Variants in HSPG2 observed in about 807,000 individuals in gnomAD.
HSPG2 encodes heparan sulfate proteoglycan 2.
In HSPG2, 278 loss-of-function variants were observed where a neutral mutation model predicts 526.6. The ratio of observed to expected loss-of-function variants is 0.53; its 90% CI spans 0.48 to 0.58. The LOEUF is 0.58. Among genes scored for constraint, HSPG2 ranks in the 20% least tolerant of loss-of-function variants. HSPG2 has a pLI of 0.00. For synonymous variants in HSPG2, 2,465 were observed against 2,555.4 expected (o/e 0.96, Z 1.07); for missense variants, 5,354 against 6,099.5 (o/e 0.88, Z 4.07).
At chr1:21,920,813 G>C (rs943366064) in intron 1 of HSPG2, among the ~76,000 whole-genome samples, 1 of 152,132 alleles carries the variant, frequency 6.6e-6, no homozygotes, top group African/African-American at 2.4e-5. Context: ...GCCCAGGGAG[G>C]AATCCAGGCT....
chr1:21,855,993 T>C, intron 44 of HSPG2, 81 bp from the exon 45 acceptor site: 1 of 1,567,136 alleles, frequency 6.4e-7, no homozygotes, highest in Non-Finnish European at 8.6e-7. Context: ...GCCTACTTTC[T>C]CTGCTTCCAG....
chr1:21,841,105 A>T lies in HSPG2; in HGVS notation c.9509T>A (p.Leu3170Gln). Residue 3170 changes from leucine to glutamine, a missense_variant, in exon 71 of 97, where the codon CTG becomes CAG. Leu to Gln is a moderately radical substitution (Grantham distance 113). Transcript: ENST00000374695. ...GAGAGGCAGCCCCGGCTTCACCTGCAGCACCGCGTGGCTGTCCATGAGCCC... is the reference window on the plus strand; with the variant it reads ...GAGAGGCAGCCCCGGCTTCACCTGCTGCACCGCGTGGCTGTCCATGAGCCC... ...TYGLMDSHAV[L>Q]QISSAKPSDA... 6.2e-7 allele frequency: 1 copy of T among 1,604,558 alleles called. No homozygotes were observed. The highest frequency in any genetic ancestry group is 8.5e-7 in the Non-Finnish European group (1 of 1,176,232).
At chr1:21,910,181 C>T (rs924623510) in intron 1 of HSPG2, among the ~76,000 whole-genome samples, 2 of 152,268 alleles carry the variant, frequency 1.3e-5, no homozygotes, top group Non-Finnish European at 2.9e-5. Context: ...CAGACCAACA[C>T]AATGGGGGCT....
rs751192118 is a variant in HSPG2, at chr1:21,864,057, C to T, written c.4740+43G>A. On this transcript the variant is annotated intron_variant, in intron 37 of 96. Transcript: ENST00000374695. The surrounding 1 kb of genome is among the most constrained non-coding windows in gnomAD (Gnocchi z 4.8). Reference sequence around the variant, plus strand: ...TCCAGCCCTGGTCCCCCACCCAGGCCCAGCTGAGCTGACCCCCTGTCCTGG... The same window carrying T: ...TCCAGCCCTGGTCCCCCACCCAGGCTCAGCTGAGCTGACCCCCTGTCCTGG... 1.2e-5 allele frequency: 17 copies of T among 1,456,794 alleles called. No homozygotes were observed. In the African/African-American group the frequency reaches 2.1e-4, roughly 18 times the overall value. 90.2% of individuals were successfully genotyped at this position (1,456,794 alleles called of 1,614,324 possible). A position where few individuals can be genotyped will look rare whatever the true frequency, so the allele number is the denominator to read the frequency against.
rs548566528 is a variant in HSPG2 at position 21,935,044 on chromosome 1, T to C, written c.63+2111A>G. On this transcript the variant is annotated intron_variant, in intron 1 of 96. Transcript: ENST00000374695. Reference sequence around the variant, plus strand: ...GCCTCAGCCTCCCGAGTAGTTGGGATTACAAGCATGCGCCACCACACCCGT... The same window carrying C: ...GCCTCAGCCTCCCGAGTAGTTGGGACTACAAGCATGCGCCACCACACCCGT... Among the ~76,000 whole-genome samples, 5 of 152,056 alleles carry C rather than the reference T, an allele frequency of 3.3e-5. No homozygotes were observed. The East Asian group carries it at 7.8e-4, about 24-fold the overall frequency.
At chr1:21,843,960 C>A (rs952310265) in intron 65 of HSPG2, among the ~76,000 whole-genome samples, 188 bp downstream of exon 65, 6 of 152,228 alleles carry the variant, frequency 3.9e-5, no homozygotes, top group Admixed American at 6.5e-5. Context: ...CTATTTTGCA[C>A]CAAGGTGCTG....
chr1:21,849,948 G>T (rs1638755648), intron 57 of HSPG2, 93 bp downstream of exon 57: 2 of 1,511,728 alleles, frequency 1.3e-6, no homozygotes, highest in South Asian at 2.2e-5. Flanking sequence ...AAAGTGCCGG[G>T]ATTACAGGCG....
intron 75 of HSPG2, among the ~76,000 whole-genome samples, chr1:21,836,563 T>C (rs1303443018): frequency 6.6e-6 from 1 of 152,202 alleles, no homozygotes; most frequent in Non-Finnish European, 1.5e-5. Flanking sequence ...CCTCAGGTGA[T>C]CTGCCCGCCT....
At chr1:21,886,239 A>G (rs1297861795) in intron 9 of HSPG2, among the ~76,000 whole-genome samples, 2 of 152,152 alleles carry the variant, frequency 1.3e-5, no homozygotes, top group Non-Finnish European at 2.9e-5. Flanking sequence ...TCCCCAGGAG[A>G]GGCCCCTGAG....
chr1:21,837,957 G>A (rs555870739), intron 74 of HSPG2, among the ~76,000 whole-genome samples: 4 of 151,962 alleles, frequency 2.6e-5, no homozygotes, highest in South Asian at 2.1e-4. Context: ...CCAACATGGC[G>A]AATCCCCTTC....
rs931293134 is a variant in HSPG2 at position 21,847,842 on chromosome 1, T to C, written c.7874-2A>G. The stretch of plus-strand genomic sequence containing the variant: ...TGATCGGTGGGGAGACGCTGGGCAC[T>C]GGGGACAGACGGGTGTGGACCACGC... On this transcript the variant is annotated splice_acceptor_variant, in intron 60 of 96. Transcript: ENST00000374695. LOFTEE classifies it high-confidence loss of function. This position sits in a 1 kb window ranked among gnomAD's most constrained non-coding sequence, Gnocchi z 4.1. The C allele has an allele frequency of 6.2e-7, 1 of 1,613,832 alleles. No homozygotes were observed. Among genetic ancestry groups the C allele is most frequent in the Non-Finnish European group, 8.5e-7 (1 of 1,180,010 alleles).
chr1:21,923,128 C>T (rs12080828), intron 1 of HSPG2, among the ~76,000 whole-genome samples: 5 of 152,118 alleles, frequency 3.3e-5, no homozygotes, highest in Non-Finnish European at 5.9e-5. Context: ...CAGACTCAGC[C>T]GGGCACGGTG....
chr1:21,871,458 C>T (rs547485674), intron 33 of HSPG2, among the ~76,000 whole-genome samples: 4 of 152,040 alleles, frequency 2.6e-5, no homozygotes, highest in South Asian at 2.1e-4. Context: ...GACGGGGTTT[C>T]GTCACATTGC....
Position 21,835,581 on chromosome 1 carries a change from G to A in HSPG2, c.10412C>T (p.Pro3471Leu), listed in dbSNP as rs1409482106. The A allele has an allele frequency of 1.2e-6, 2 of 1,614,042 alleles. No individual in the cohort carries two copies. Among genetic ancestry groups the A allele is most frequent in the African/African-American group, 1.3e-5 (1 of 74,928 alleles). The stretch of plus-strand genomic sequence containing the variant: ...GGCACTGGCCTGGGCCTTCCCCCAA[G>A]GTCCATGGGCCTGGCATATATACGT... ...QGTYICQAHG[P>L]WGKAQASAQL... The change falls in exon 76 of 97, where the codon CCT (proline) becomes CTT (leucine). Residue 3471 changes from proline to leucine, a missense_variant. Physicochemically the swap from Pro to Leu is moderately conservative, Grantham distance 98. Coordinates refer to ENST00000374695, the MANE Select transcript of HSPG2 (RefSeq NM_005529.7).
At chr1:21,868,377 A>G (rs1389876520) in intron 33 of HSPG2, among the ~76,000 whole-genome samples, 1 of 152,160 alleles carries the variant, frequency 6.6e-6, no homozygotes, top group Non-Finnish European at 1.5e-5. Context: ...AATTGTTGGA[A>G]CAAAATAGAG....
Position 21,835,386 on chromosome 1 carries a change from C to G in HSPG2, c.10453+154G>C. 4.4e-6 allele frequency: 3 copies of G among 681,794 alleles called. 1 individual carries two copies. 42.2% of individuals were successfully genotyped at this position (681,794 alleles called of 1,614,324 possible). ...AAATATGTATCAAGCCCCTTTTACTCTATGCTAGACACAAGCAAGGCAAAA... is the reference window on the plus strand; with the variant it reads ...AAATATGTATCAAGCCCCTTTTACTGTATGCTAGACACAAGCAAGGCAAAA... On this transcript the variant is annotated intron_variant, in intron 76 of 96. Coordinates refer to ENST00000374695, the MANE Select transcript of HSPG2 (RefSeq NM_005529.7).
Position 21,838,935 on chromosome 1 carries a change from T to C in HSPG2, c.10040A>G (p.Asn3347Ser), listed in dbSNP as rs374416190. The change falls in exon 74 of 97, where the codon AAC becomes AGC. Residue 3347 changes from asparagine (N) to serine (S), a missense_variant. Asn to Ser is a conservative substitution (Grantham distance 46, BLOSUM62 1). Transcript: ENST00000374695. ...SSLPGRATAR[N>S]ELLHFERAAP... ...TGCACGCTCAAAGTGCAGCAGCTCG[T>C]TCCTGGCGGTCGCCCTCCCAGGAAG... 1 of 1,612,334 alleles carries C rather than the reference T, an allele frequency of 6.2e-7. No individual in the cohort carries two copies. The highest frequency in any genetic ancestry group is 8.5e-7 in the Non-Finnish European group (1 of 1,179,084).
intron 74 of HSPG2, 75 bp downstream of exon 74, chr1:21,838,750 G>A (rs748352003): frequency 4.5e-5 from 68 of 1,512,280 alleles, no homozygotes; most frequent in Middle Eastern, 2.2e-4. Context: ...CTTCCCACCC[G>A]AGTCTGCCTA....
intron 21 of HSPG2, 73 bp from the exon 22 acceptor site, chr1:21,876,725 T>G: frequency 6.3e-7 from 1 of 1,596,308 alleles, no homozygotes. Flanking sequence ...GAATCCACCC[T>G]CAGTCCAGAT....
Sources: gnomAD v4.1 joint callset for allele counts (sites outside exome capture counted in the v4.1 genomes callset) on GRCh38, gnomAD v4.1.1 for gene constraint, Gnocchi (gnomAD v3.1) non-coding constraint, MANE v1.5 for transcripts, NCBI Gene and HGNC (gene_info 2026-07-23, HGNC 2026-07-21) for gene names.